The following KBTBD12 variants were observed in gnomAD, a reference collection of about 807,000 sequenced individuals.
KBTBD12 encodes the protein kelch repeat and BTB domain containing 12.
KBTBD12 carries 53 observed loss-of-function variants against 58.7 expected under a neutral mutation model. The observed-to-expected ratio is 0.90, with a 90% CI of 0.72 to 1.14. The LOEUF (loss-of-function observed/expected upper bound fraction) is 1.14. Ranked by LOEUF, KBTBD12 falls within the 50% of genes most tolerant of loss-of-function variation. KBTBD12 has a pLI of 0.00. For synonymous variants in KBTBD12, 236 were observed against 259.8 expected (o/e 0.91, Z 0.88); for missense variants, 704 against 751.3 (o/e 0.94, Z 0.74).
chr3:127,978,437 A>G (rs1940820304), intron 5 of KBTBD12, among the ~76,000 whole-genome samples: 3 of 152,070 alleles, frequency 2.0e-5, no homozygotes, highest in Non-Finnish European at 4.4e-5. Context: ...AATACCACCA[A>G]ATCAATAATA....
chr3:127,929,371 G>GA (rs2107592550), intron 3 of KBTBD12, among the ~76,000 whole-genome samples: 1 of 152,148 alleles, frequency 6.6e-6, no homozygotes, highest in Admixed American at 6.5e-5. Flanking sequence ...TTTCTTTGTT[G>GA]AACACTTGTA....
chr3:127,968,028 T>A (rs961288774), intron 5 of KBTBD12, among the ~76,000 whole-genome samples: 75 of 152,230 alleles, frequency 4.9e-4, no homozygotes, highest in Admixed American at 1.2e-3. Flanking sequence ...TTCTCTGCAG[T>A]AATGCAACCC....
rs1224872099 is a variant in KBTBD12 at position 127,963,115 on chromosome 3, A to G, written c.1493-74A>G. 11 of 1,291,242 alleles carry G rather than the reference A, an allele frequency of 8.5e-6. No homozygotes were observed. In the East Asian group the frequency reaches 2.5e-4, roughly 29 times the overall value. 80.0% of individuals were successfully genotyped at this position (1,291,242 alleles called of 1,614,324 possible). A position where few individuals can be genotyped will look rare whatever the true frequency, so the allele number is the denominator to read the frequency against. ...GTCCCATAAACCTTTGATACAAACCATGCAGGGGGCAGTGCTGTCCACAAT... is the reference window on the plus strand; with the variant it reads ...GTCCCATAAACCTTTGATACAAACCGTGCAGGGGGCAGTGCTGTCCACAAT... On this transcript the variant is annotated intron_variant, in intron 4 of 5. Transcript: ENST00000405109.
At chr3:127,926,946 G>T (rs972398987) in intron 2 of KBTBD12, among the ~76,000 whole-genome samples, 1 of 151,946 alleles carries the variant, frequency 6.6e-6, no homozygotes, top group Non-Finnish European at 1.5e-5. Flanking sequence ...CTTCAATCAT[G>T]ATTGGAGATA....
Position 127,930,173 on chromosome 3 carries a change from A to G in KBTBD12, c.1382A>G (p.Lys461Arg), listed in dbSNP as rs1939670023. Residue 461 changes from lysine (K) to arginine (R), a missense_variant, in exon 4 of 6, where the codon AAA (lysine) becomes AGA (arginine). Coordinates refer to ENST00000405109, the MANE Select transcript of KBTBD12 (RefSeq NM_207335.4). ...GAAGAACCTGATCGATTAAGCAACA[A>G]ACTGTTGCAGTATGACCCCAGCCAA... ...PDEEPDRLSN[K>R]LLQYDPSQDQ... is the part of the protein sequence containing the mutation. 1.2e-6 allele frequency: 2 copies of G among 1,601,392 alleles called. No individual in the cohort carries two copies. Among genetic ancestry groups the G allele is most frequent in the Admixed American group, 1.7e-5 (1 of 58,188 alleles).
chr3:127,941,188 A>C (rs1371404311), intron 4 of KBTBD12, among the ~76,000 whole-genome samples: 1 of 152,226 alleles, frequency 6.6e-6, no homozygotes. Flanking sequence ...TTTATAGGTC[A>C]GCATTACCTA....
intron 4 of KBTBD12, among the ~76,000 whole-genome samples, chr3:127,959,299 C>T (rs1387711308): frequency 6.6e-6 from 1 of 152,218 alleles, no homozygotes; most frequent in Non-Finnish European, 1.5e-5. Flanking sequence ...GGTCCACCAA[C>T]AGCTCCTACC....
intron 4 of KBTBD12, among the ~76,000 whole-genome samples, chr3:127,942,292 T>C (rs2107599390): frequency 6.6e-6 from 1 of 152,272 alleles, no homozygotes; most frequent in East Asian, 1.9e-4. Context: ...GTATGTGCGG[T>C]GGGAGTACCT....
At chr3:127,946,669 A>C (rs527791615) in intron 4 of KBTBD12, among the ~76,000 whole-genome samples, 1 of 152,092 alleles carries the variant, frequency 6.6e-6, no homozygotes, top group South Asian at 2.1e-4. Context: ...TGATGTTTTC[A>C]TCTGTTTTGG....
intron 4 of KBTBD12, among the ~76,000 whole-genome samples, chr3:127,933,640 G>A (rs558450487): frequency 6.6e-6 from 1 of 152,214 alleles, no homozygotes; most frequent in East Asian, 1.9e-4. Context: ...AGATCCAAGA[G>A]GACCAGGCAG....
chr3:127,926,600 C>T (rs1357276387), intron 2 of KBTBD12, among the ~76,000 whole-genome samples: 1 of 152,124 alleles, frequency 6.6e-6, no homozygotes, highest in Non-Finnish European at 1.5e-5. Context: ...CCTGTCAAGC[C>T]TCAAGTAAAG....
intron 1 of KBTBD12, 28 bp from the exon 2 acceptor site, chr3:127,922,922 A>G: frequency 1.7e-6 from 1 of 581,980 alleles, no homozygotes; most frequent in Non-Finnish European, 3.0e-6. Flanking sequence ...TTTTCTTAGA[A>G]GGAAACTGCC....
rs1215895639 is a variant in KBTBD12, at chr3:127,984,900, T to G, written c.*622T>G. ...GTGCTCTGTTCCAGCTTCAGTCTTA[T>G]AAACACTGACCATTCTCCTTCAGAA... On this transcript the variant is annotated 3_prime_UTR_variant, in exon 6 of 6. Transcript: ENST00000405109. 2 of 152,330 alleles carry G rather than the reference T, an allele frequency of 1.3e-5. No individual in the cohort carries two copies. The highest frequency in any genetic ancestry group is 4.8e-5 in the African/African-American group (2 of 41,448). The allele number at this position is 152,330 out of a possible 1,614,324, so 9.4% of individuals were successfully genotyped here.
At chr3:127,929,503 A>G (rs1939652047) in intron 3 of KBTBD12, among the ~76,000 whole-genome samples, 1 of 152,172 alleles carries the variant, frequency 6.6e-6, no homozygotes. Context: ...TCTGTGTAAG[A>G]AAAGGTTGTT....
intron 1 of KBTBD12, among the ~76,000 whole-genome samples, chr3:127,919,583 T>C (rs539737017): frequency 6.6e-6 from 1 of 152,326 alleles, no homozygotes; most frequent in East Asian, 1.9e-4. Flanking sequence ...GGAATTGTAT[T>C]TGCTCTTCCC....
At chr3:127,980,488 C>T (rs562608242) in intron 5 of KBTBD12, among the ~76,000 whole-genome samples, 1 of 152,250 alleles carries the variant, frequency 6.6e-6, no homozygotes, top group Non-Finnish European at 1.5e-5. Context: ...CGCTACCACG[C>T]CCAGCTAATT....
intron 4 of KBTBD12, among the ~76,000 whole-genome samples, chr3:127,939,451 T>A (rs527605535): frequency 6.6e-6 from 1 of 152,186 alleles, no homozygotes; most frequent in African/African-American, 2.4e-5. Context: ...TTAGGTGTAA[T>A]CTATGAGACA....
At position 127,984,086 on chromosome 3, in the gene KBTBD12, C is replaced by T; in HGVS notation, c.1691-11C>T. 6.2e-7 allele frequency: 1 copy of T among 1,610,120 alleles called. No homozygotes were observed. Among genetic ancestry groups the T allele is most frequent in the Non-Finnish European group, 8.5e-7 (1 of 1,177,778 alleles). ...ATGAGATTTTTGTCTTCCCACTTTG[C>T]TGTTTTTCAGATCGCCATGAGGTTA... On this transcript the variant is annotated splice_polypyrimidine_tract_variant and intron_variant, in intron 5 of 5. Coordinates refer to ENST00000405109, the MANE Select transcript of KBTBD12 (RefSeq NM_207335.4).
chr3:127,983,651 G>A (rs1940913980), intron 5 of KBTBD12, among the ~76,000 whole-genome samples: 1 of 152,228 alleles, frequency 6.6e-6, no homozygotes, highest in Non-Finnish European at 1.5e-5. Context: ...TACTCAGGAG[G>A]GTGAGGCGGG....
Sources: allele counts gnomAD v4.1 joint callset (sites outside exome capture counted in the v4.1 genomes callset), GRCh38; gene constraint gnomAD v4.1.1; transcripts MANE v1.5; gene names NCBI Gene and HGNC (gene_info 2026-07-23, HGNC 2026-07-21).